The following KIAA0319 variants were observed in gnomAD, a reference collection of about 807,000 sequenced individuals.
KIAA0319 encodes the protein KIAA0319.
A neutral mutation model predicts 108.4 loss-of-function variants in KIAA0319; 83 were observed. The ratio of observed to expected loss-of-function variants is 0.77; its 90% CI spans 0.64 to 0.92. The LOEUF is 0.92. Ranked by LOEUF, KIAA0319 falls within the 40% of genes least tolerant of loss-of-function variation. The pLI is 0.00. For missense variants in KIAA0319, 1,195 were observed against 1,322.4 expected, an observed-to-expected ratio of 0.90 and a Z score of 1.49; for synonymous variants, 484 against 510.4, an observed-to-expected ratio of 0.95 and a Z score of 0.70.
At chr6:24,579,358 T>C (rs1004557021) in intron 8 of KIAA0319, among the ~76,000 whole-genome samples, 4 of 149,368 alleles carry the variant, frequency 2.7e-5, no homozygotes, top group Admixed American at 2.7e-4. Flanking sequence ...TTTTCCCATC[T>C]GGTGGGGGGC....
chr6:24,635,108 C>CT (rs543116708), intron 1 of KIAA0319, among the ~76,000 whole-genome samples: 4,694 of 142,770 alleles, frequency 0.033, 98 homozygotes, highest in South Asian at 0.059. Flanking sequence ...TTCTTTCTTT[C>CT]TTTTTTTTTT....
intron 1 of KIAA0319, among the ~76,000 whole-genome samples, chr6:24,635,876 G>A (rs372184262): frequency 4.9e-4 from 75 of 152,280 alleles, no homozygotes; most frequent in South Asian, 1.9e-3. Context: ...AAGTTGTTCC[G>A]TAGCAATAGC....
At chr6:24,617,802 C>T (rs1773372538) in intron 1 of KIAA0319, among the ~76,000 whole-genome samples, 1 of 152,154 alleles carries the variant, frequency 6.6e-6, no homozygotes, top group Non-Finnish European at 1.5e-5. Flanking sequence ...GCCTGGCCAA[C>T]ATGCTGAAAT....
chr6:24,595,415 T>A (rs1350280691), intron 3 of KIAA0319, among the ~76,000 whole-genome samples: 1 of 151,780 alleles, frequency 6.6e-6, no homozygotes, highest in Non-Finnish European at 1.5e-5. Flanking sequence ...GGCATGGTGA[T>A]GGGCGCCTAT....
At chr6:24,582,372 A>G in intron 5 of KIAA0319, 26 bp from the exon 6 acceptor site, 2 of 1,400,866 alleles carry the variant, frequency 1.4e-6, no homozygotes, top group Non-Finnish European at 2.0e-6. Flanking sequence ...AAATATGAGT[A>G]GTTATAAATT....
chr6:24,551,881 G>C (rs1761563956), intron 19 of KIAA0319, among the ~76,000 whole-genome samples: 1 of 152,124 alleles, frequency 6.6e-6, no homozygotes, highest in Admixed American at 6.5e-5. Flanking sequence ...ATGTTCCCCT[G>C]AACCTGTATC....
intron 13 of KIAA0319, among the ~76,000 whole-genome samples, chr6:24,567,956 T>C (rs911933689): frequency 2.0e-5 from 3 of 152,162 alleles, no homozygotes; most frequent in African/African-American, 7.2e-5. Context: ...TCTCTCTACT[T>C]TTATGCATGG....
In KIAA0319 at chr6:24,556,220, A is replaced by AT. The variant is rs543312370; in HGVS notation, c.2857+386dup. ...CTCCCCTCCTTCCTTCCTTTCTTCC[A>AT]TTTTTTTTGAGACAGGGTCTCACTC... On this transcript the variant is annotated intron_variant, in intron 18 of 20. Coordinates refer to ENST00000378214, the MANE Select transcript of KIAA0319 (RefSeq NM_014809.4). Among the ~76,000 whole-genome samples, 48 of 97,744 alleles carry AT rather than the reference A, an allele frequency of 4.9e-4. No homozygotes were observed. In the South Asian group the frequency reaches 0.012, roughly 24 times the overall value. The allele number at this position is 97,744 out of a possible 152,430, so 64.1% of individuals were successfully genotyped here.
Position 24,558,904 on chromosome 6 carries a change from C to T in KIAA0319, c.2734+109G>A, listed in dbSNP as rs539482280. 108 of 1,085,872 alleles carry T rather than the reference C, an allele frequency of 9.9e-5. 3 individuals carry two copies. The South Asian group carries it at 1.7e-3, about 17-fold the overall frequency. 67.3% of individuals were successfully genotyped at this position (1,085,872 alleles called of 1,614,324 possible). A position where few individuals can be genotyped will look rare whatever the true frequency, so the allele number is the denominator to read the frequency against. On this transcript the variant is annotated intron_variant, in intron 17 of 20. Coordinates refer to ENST00000378214, the MANE Select transcript of KIAA0319 (RefSeq NM_014809.4). ...TGGAGAAATAAATGTAAAACAAGTC[C>T]CTGGATGCTAAAGTGAAAATGTTCA...
intron 16 of KIAA0319, among the ~76,000 whole-genome samples, 169 bp from the exon 17 acceptor site, chr6:24,559,324 A>G (rs774525478): frequency 1.3e-5 from 2 of 152,258 alleles, no homozygotes; most frequent in African/African-American, 2.4e-5. Context: ...GTTTCTATTC[A>G]CAAAGCCTCT....
chr6:24,618,806 GA>G (rs910214224), intron 1 of KIAA0319, among the ~76,000 whole-genome samples: 9 of 149,552 alleles, frequency 6.0e-5, no homozygotes, highest in Admixed American at 2.0e-4. Flanking sequence ...AAGACTAAAA[GA>G]AAAAAAAAGA....
At chr6:24,577,522 C>T (rs953728520) in intron 9 of KIAA0319, among the ~76,000 whole-genome samples, 10 of 152,304 alleles carry the variant, frequency 6.6e-5, no homozygotes, top group African/African-American at 1.9e-4. Context: ...AAATGGGTCA[C>T]TTCATCCTTC....
At chr6:24,618,067 T>A (rs1394427722) in intron 1 of KIAA0319, among the ~76,000 whole-genome samples, 2 of 151,352 alleles carry the variant, frequency 1.3e-5, no homozygotes, top group African/African-American at 4.9e-5. Flanking sequence ...AGAAAAAAAA[T>A]TTGGCCACTG....
chr6:24,560,364 T>C (rs1047387198), intron 16 of KIAA0319, among the ~76,000 whole-genome samples: 1 of 152,232 alleles, frequency 6.6e-6, no homozygotes, highest in Non-Finnish European at 1.5e-5. Flanking sequence ...TCGCCAGCAC[T>C]TGCTATGGTC....
chr6:24,590,995 A>G (rs1184309474), intron 3 of KIAA0319, among the ~76,000 whole-genome samples: 1 of 152,190 alleles, frequency 6.6e-6, no homozygotes, highest in Non-Finnish European at 1.5e-5. Context: ...AAAGTTTCAA[A>G]TGGCTCTTGT....
chr6:24,576,895 A>C (rs1765625160), intron 9 of KIAA0319, among the ~76,000 whole-genome samples: 1 of 152,128 alleles, frequency 6.6e-6, no homozygotes, highest in Non-Finnish European at 1.5e-5. Context: ...ACTGCGCTGC[A>C]GCTCAGGCAG....
intron 4 of KIAA0319, among the ~76,000 whole-genome samples, chr6:24,586,771 G>T (rs2127497054): frequency 6.6e-6 from 1 of 151,954 alleles, no homozygotes; most frequent in East Asian, 1.9e-4. Flanking sequence ...TTGTTACAGG[G>T]GCACTAGCCT....
At chr6:24,594,174 G>A (rs1769000950) in intron 3 of KIAA0319, among the ~76,000 whole-genome samples, 1 of 109,266 alleles carries the variant, frequency 9.2e-6, no homozygotes, top group South Asian at 3.2e-4. Flanking sequence ...ACTCCAGCCT[G>A]GGTGACAGAG....
At chr6:24,579,815 G>A (rs200345162) in intron 8 of KIAA0319, 43 bp downstream of exon 8, 290 of 1,476,864 alleles carry the variant, frequency 2.0e-4, no homozygotes, top group Non-Finnish European at 2.5e-4. Flanking sequence ...TTCGTAGCAC[G>A]TAGAGAAAAA....
Sources: gnomAD v4.1 joint callset for allele counts (sites outside exome capture counted in the v4.1 genomes callset) on GRCh38, gnomAD v4.1.1 for gene constraint, MANE v1.5 for transcripts, NCBI Gene and HGNC (gene_info 2026-07-23, HGNC 2026-07-21) for gene names.